The following ZFPM1 variants were observed in gnomAD, a reference collection of about 807,000 sequenced individuals.
The protein encoded by ZFPM1 is zinc finger protein, FOG family member 1.
A neutral mutation model predicts 46.3 loss-of-function variants in ZFPM1; 28 were observed. The observed-to-expected ratio is 0.60, with a 90% confidence interval of 0.45 to 0.83. The LOEUF is 0.83. ZFPM1 is among the 40% of genes least tolerant of loss of function. The probability of loss-of-function intolerance (pLI) is 0.00; values close to 1 mark genes in which losing one functional copy is unlikely to be tolerated. For missense variants in ZFPM1, 1,878 were observed against 1,432.4 expected, an observed-to-expected ratio of 1.31 and a Z score of -5.02; for synonymous variants, 957 against 675.9, an observed-to-expected ratio of 1.42 and a Z score of -6.45.
At chr16:88,501,396 G>A (rs866284992) in intron 3 of ZFPM1, among the ~76,000 whole-genome samples, 3 of 109,572 alleles carry the variant, frequency 2.7e-5, no homozygotes, top group Admixed American at 9.6e-5. Flanking sequence ...GGGCCCTCCC[G>A]CAGGTGCTGG....
chr16:88,534,806 C>T lies in ZFPM1; in HGVS notation c.2848C>T (p.Pro950Ser), dbSNP rs765325491. 2.1e-6 allele frequency: 3 copies of T among 1,414,596 alleles called. No homozygotes were observed. Among genetic ancestry groups the T allele is most frequent in the Admixed American group, 2.3e-5 (1 of 44,136 alleles). 87.6% of individuals were successfully genotyped at this position (1,414,596 alleles called of 1,614,324 possible). A position where few individuals can be genotyped will look rare whatever the true frequency, so the allele number is the denominator to read the frequency against. Reference sequence around the variant, plus strand: ...GGCCGTGCCGCCCCCGCCGGCGCCCCCCTCCTACTCGGACAAGGGCGTCCA... The same window carrying T: ...GGCCGTGCCGCCCCCGCCGGCGCCCTCCTCCTACTCGGACAAGGGCGTCCA... The part of the protein sequence containing the change: ...PEAVPPPPAP[P>S]SYSDKGVQTP... The change falls in exon 10 of 10, where the codon CCC becomes TCC. Residue 950 changes from proline (P) to serine (S), a missense_variant. Transcript: ENST00000319555.
At chr16:88,491,082 C>CCGGT (rs1567536498) in intron 3 of ZFPM1, among the ~76,000 whole-genome samples, 3 of 150,194 alleles carry the variant, frequency 2.0e-5, no homozygotes, top group African/African-American at 4.9e-5. Flanking sequence ...TTCGCGGGTC[C>CCGGT]CAGTCAGGCG....
intron 3 of ZFPM1, among the ~76,000 whole-genome samples, chr16:88,496,778 C>T (rs1391352162): frequency 6.6e-6 from 1 of 152,124 alleles, no homozygotes; most frequent in African/African-American, 2.4e-5. Context: ...TCTCACTGGG[C>T]GTTTCCTGTG....
intron 3 of ZFPM1, among the ~76,000 whole-genome samples, chr16:88,496,522 G>T (rs888368903): frequency 2.6e-5 from 4 of 152,058 alleles, no homozygotes; most frequent in African/African-American, 9.7e-5. Flanking sequence ...CTTTGGTGGA[G>T]GAGAGGCCTG....
intron 1 of ZFPM1, among the ~76,000 whole-genome samples, chr16:88,454,469 T>A (rs1042271076): frequency 6.6e-6 from 1 of 152,112 alleles, no homozygotes; most frequent in African/African-American, 2.4e-5. Flanking sequence ...GGCATCCCAA[T>A]GGGCTGCTCT....
At chr16:88,464,665 G>T (rs943817793) in intron 1 of ZFPM1, among the ~76,000 whole-genome samples, 13 of 152,264 alleles carry the variant, frequency 8.5e-5, no homozygotes, top group African/African-American at 3.1e-4. Context: ...GGCTCAAGCC[G>T]ATCATTCCCA....
rs192029922 is a variant in ZFPM1, at chr16:88,506,543, G to A, written c.269-7844G>A. ...CAGGTTGTGCACTGAGTGTGCGTCC[G>A]CAGAGTGGTGGCCATCACTGGGTGT... On this transcript the variant is annotated intron_variant, in intron 3 of 9. Coordinates refer to ENST00000319555, the MANE Select transcript of ZFPM1 (RefSeq NM_153813.3). 6.1e-3 allele frequency among the ~76,000 whole-genome samples: 930 copies of A among 152,300 alleles called. 16 individuals carry two copies. Among genetic ancestry groups the A allele is most frequent in the Non-Finnish European group, 6.4e-3 (436 of 68,000 alleles).
In ZFPM1 at chr16:88,532,255, G is replaced by T; in HGVS notation, c.946+20G>T. 5.7e-6 allele frequency: 9 copies of T among 1,572,302 alleles called. No homozygotes were observed. Among genetic ancestry groups the T allele is most frequent in the Non-Finnish European group, 6.9e-6 (8 of 1,155,960 alleles). On this transcript the variant is annotated intron_variant, in intron 7 of 9. Transcript: ENST00000319555. ...ACAGCGGTGAGCCCCCACCCCGGACGCGGGTCCTCAGGATGCCGGCTGCTT... is the reference window on the plus strand; with the variant it reads ...ACAGCGGTGAGCCCCCACCCCGGACTCGGGTCCTCAGGATGCCGGCTGCTT...
At chr16:88,478,355 G>C (rs906158714) in intron 1 of ZFPM1, among the ~76,000 whole-genome samples, 1 of 152,248 alleles carries the variant, frequency 6.6e-6, no homozygotes, top group African/African-American at 2.4e-5. Flanking sequence ...GGAGCTGCGG[G>C]TGGGCCAGGG....
At chr16:88,504,268 C>G (rs1488560205) in intron 3 of ZFPM1, among the ~76,000 whole-genome samples, 1 of 152,148 alleles carries the variant, frequency 6.6e-6, no homozygotes, top group Admixed American at 6.5e-5. Flanking sequence ...AAAATATGTT[C>G]TGTGCAAACA....
chr16:88,466,075 G>A (rs1908122213), intron 1 of ZFPM1, among the ~76,000 whole-genome samples: 2 of 152,224 alleles, frequency 1.3e-5, no homozygotes, highest in African/African-American at 4.8e-5. Context: ...CTCCCAGTGG[G>A]TGCAGGCCAG....
rs368977776 is a variant in ZFPM1 at position 88,526,889 on chromosome 16, G to A, written c.478G>A (p.Glu160Lys). ...RTLPQALTEA[E>K]ANTEIHRKDD... is the part of the protein sequence containing the mutation. ...GCTGCCCCAGGCCCTGACTGAGGCC[G>A]AGGCCAACACAGAGATCCACAGGAA... Residue 160 changes from glutamate to lysine, a missense_variant, in exon 5 of 10, where the codon GAG becomes AAG. Glu to Lys is a moderately conservative substitution (Grantham distance 56). Coordinates refer to ENST00000319555, the MANE Select transcript of ZFPM1 (RefSeq NM_153813.3). 6.8e-5 allele frequency: 108 copies of A among 1,579,392 alleles called. No individual in the cohort carries two copies. Among genetic ancestry groups the A allele is most frequent in the Non-Finnish European group, 8.3e-5 (97 of 1,162,866 alleles).
In ZFPM1 at chr16:88,536,102, T is replaced by C. The variant is rs1913235546; in HGVS notation, c.*1123T>C. The C allele has an allele frequency of 6.6e-6, 1 of 152,148 alleles. No homozygotes were observed. The highest frequency in any genetic ancestry group is 6.5e-5 in the Admixed American group (1 of 15,278). The allele number at this position is 152,148 out of a possible 1,614,324, so 9.4% of individuals were successfully genotyped here. On this transcript the variant is annotated 3_prime_UTR_variant, in exon 10 of 10. Transcript: ENST00000319555. ...TCCTCAGTAGCTGGGGCTACAGGTG[T>C]ACACCACCATGCCCAGCTAGTTTTT...
Position 88,534,223 on chromosome 16 carries a change from GC to G in ZFPM1, c.2273del (p.Pro758ArgfsTer40), listed in dbSNP as rs984199988. The G allele has an allele frequency of 4.1e-5, 28 of 676,942 alleles. No individual in the cohort carries two copies. Among genetic ancestry groups the G allele is most frequent in the Non-Finnish European group, 4.8e-5 (27 of 565,130 alleles). The allele number at this position is 676,942 out of a possible 1,614,324, so 41.9% of individuals were successfully genotyped here. ...ACGAGCTGCACGCGGCCGGCGCCCCGCCCCCCCCGCCGCCCGGCCACGCCCC... is the reference window on the plus strand; with the variant it reads ...ACGAGCTGCACGCGGCCGGCGCCCCGCCCCCCCGCCGCCCGGCCACGCCCC... Reference protein sequence around the residue: ...LYELHAAGAPPPPPPGHAPAP... With the variant: ...LYELHAAGAPXPPPPGHAPAP... On this transcript the variant is annotated frameshift_variant, in exon 10 of 10. Coordinates refer to ENST00000319555, the MANE Select transcript of ZFPM1 (RefSeq NM_153813.3). LOFTEE classifies it low-confidence loss of function (END_TRUNC).
At chr16:88,492,082 C>A (rs1208561406) in intron 3 of ZFPM1, among the ~76,000 whole-genome samples, 1 of 151,970 alleles carries the variant, frequency 6.6e-6, no homozygotes, top group African/African-American at 2.4e-5. Context: ...TTGTGTGAGC[C>A]CCTCTCTCTC....
intron 1 of ZFPM1, among the ~76,000 whole-genome samples, chr16:88,456,914 G>A (rs191485957): frequency 2.0e-5 from 3 of 152,270 alleles, no homozygotes; most frequent in Admixed American, 2.0e-4. Context: ...ATCTGGGTAG[G>A]GCCTTCCGGA....
At chr16:88,479,787 T>C (rs1241000221) in intron 1 of ZFPM1, among the ~76,000 whole-genome samples, 31 of 85,392 alleles carry the variant, frequency 3.6e-4, no homozygotes, top group African/African-American at 3.4e-4. Context: ...CCCACCCCTC[T>C]CCCATCTCCC....
At chr16:88,521,117 G>C (rs1911850852) in intron 4 of ZFPM1, among the ~76,000 whole-genome samples, 1 of 150,934 alleles carries the variant, frequency 6.6e-6, no homozygotes, top group Non-Finnish European at 1.5e-5. Context: ...CAGGTGGATG[G>C]ATGCATGGAT....
chr16:88,476,206 G>A (rs976807051), intron 1 of ZFPM1, among the ~76,000 whole-genome samples: 8 of 152,056 alleles, frequency 5.3e-5, no homozygotes, highest in Admixed American at 3.3e-4. Context: ...AAGGCCCCTC[G>A]CGGGAACCAA....
Sources: gnomAD v4.1 joint callset for allele counts (sites outside exome capture counted in the v4.1 genomes callset) on GRCh38, gnomAD v4.1.1 for gene constraint, MANE v1.5 for transcripts, NCBI Gene and HGNC (gene_info 2026-07-23, HGNC 2026-07-21) for gene names.